LRBA: variants seen among roughly 807,000 people sequenced by gnomAD.
LRBA encodes LPS responsive beige-like anchor protein, also known as lipopolysaccharide-responsive and beige-like anchor protein.
LRBA carries 176 observed loss-of-function variants against 330.0 expected under a neutral mutation model. The ratio of observed to expected loss-of-function variants is 0.53; its 90% CI spans 0.47 to 0.60. LRBA has a LOEUF of 0.60. LRBA is among the 20% of genes least tolerant of loss of function. LRBA has a pLI of 0.00. For synonymous variants in LRBA, 1,230 were observed against 1,193.0 expected (o/e 1.03, Z -0.64); for missense variants, 3,259 against 3,444.8 (o/e 0.95, Z 1.35).
chr4:151,011,430 T>A (rs1265315187), intron 2 of LRBA, among the ~76,000 whole-genome samples: 3 of 151,748 alleles, frequency 2.0e-5, no homozygotes. Flanking sequence ...AAACCCCGCC[T>A]CTACCAAAAA....
intron 42 of LRBA, among the ~76,000 whole-genome samples, chr4:150,480,527 G>T (rs1757184088): frequency 6.6e-6 from 1 of 151,932 alleles, no homozygotes; most frequent in Admixed American, 6.6e-5. Context: ...GATTTATCAT[G>T]TGTATATTAA....
At chr4:150,286,358 T>C (rs928496156) in intron 53 of LRBA, among the ~76,000 whole-genome samples, 5 of 152,206 alleles carry the variant, frequency 3.3e-5, no homozygotes, top group Admixed American at 6.5e-5. Flanking sequence ...CAGATGATTA[T>C]AAAATTAGGA....
At chr4:150,634,781 CCAAA>C (rs1374038162) in intron 37 of LRBA, among the ~76,000 whole-genome samples, 1 of 152,110 alleles carries the variant, frequency 6.6e-6, no homozygotes, top group Non-Finnish European at 1.5e-5. Context: ...AGCTAACTGA[CCAAA>C]CAAAGAGGCT....
At chr4:150,655,766 T>G (rs1780122224) in intron 37 of LRBA, among the ~76,000 whole-genome samples, 1 of 152,204 alleles carries the variant, frequency 6.6e-6, no homozygotes, top group Non-Finnish European at 1.5e-5. Context: ...GAAAAATAAT[T>G]ATCATTTAGG....
chr4:150,531,763 C>T (rs986054523), intron 40 of LRBA, among the ~76,000 whole-genome samples: 14 of 151,930 alleles, frequency 9.2e-5, no homozygotes. Flanking sequence ...CTGAAAAGAC[C>T]CAGTTAAAGT....
At chr4:150,542,835 T>C (rs1002191430) in intron 40 of LRBA, among the ~76,000 whole-genome samples, 4 of 152,184 alleles carry the variant, frequency 2.6e-5, no homozygotes, top group African/African-American at 9.6e-5. Flanking sequence ...ATTATGAATC[T>C]GATAATGACA....
At chr4:150,580,535 G>T (rs913318935) in intron 40 of LRBA, 13 of 152,136 alleles carry the variant, frequency 8.5e-5, no homozygotes, top group Non-Finnish European at 1.9e-4. Flanking sequence ...GAACTACCAG[G>T]TTTCTAAAAC....
chr4:150,970,802 T>C (rs1739503843), intron 2 of LRBA: 2 of 151,954 alleles, frequency 1.3e-5, no homozygotes, highest in Admixed American at 6.5e-5. Context: ...GTTATCTTTA[T>C]ATGAGTCTTG....
Position 150,412,377 on chromosome 4 carries a change from A to G in LRBA, c.7194+3061T>C, listed in dbSNP as rs1048992835. On this transcript the variant is annotated intron_variant, in intron 47 of 56. Transcript: ENST00000651943. ...GGTATATAACTTTACAATCATGCCC[A>G]AGTTTAGAGCGTGGGTAGCCAAAAT... is the stretch of plus-strand genomic sequence containing the variant. 2.0e-5 allele frequency among the ~76,000 whole-genome samples: 3 copies of G among 152,216 alleles called. No individual in the cohort carries two copies. In the East Asian group the frequency reaches 5.8e-4, roughly 29 times the overall value.
intron 2 of LRBA, among the ~76,000 whole-genome samples, chr4:150,978,703 C>G (rs1249970349): frequency 2.6e-5 from 4 of 152,038 alleles, no homozygotes; most frequent in Non-Finnish European, 4.4e-5. Context: ...AAAAAAGAAT[C>G]AAGCAGAAAT....
intron 37 of LRBA, among the ~76,000 whole-genome samples, chr4:150,645,677 T>C (rs1779059213): frequency 6.6e-6 from 1 of 151,956 alleles, no homozygotes; most frequent in Non-Finnish European, 1.5e-5. Flanking sequence ...CTAACAATTA[T>C]ATAAATGCCT....
In LRBA at chr4:150,929,344, T is replaced by C. The variant is rs1734214194; in HGVS notation, c.217-279A>G. 2.0e-5 allele frequency among the ~76,000 whole-genome samples: 3 copies of C among 152,162 alleles called. No homozygotes were observed. The South Asian group carries it at 6.2e-4, about 32-fold the overall frequency. ...TCTACTAACCTGTTACCAATAAAGA[T>C]CTAAATCAACTCTACAATTGCTTCT... is the stretch of plus-strand genomic sequence containing the variant. On this transcript the variant is annotated intron_variant, in intron 2 of 56. Coordinates refer to ENST00000651943, the MANE Select transcript of LRBA (RefSeq NM_001364905.1).
At chr4:150,877,935 G>T (rs1356875740) in intron 17 of LRBA, among the ~76,000 whole-genome samples, 1 of 152,068 alleles carries the variant, frequency 6.6e-6, no homozygotes, top group East Asian at 1.9e-4. Context: ...ATGACTTTTG[G>T]GTAAACAATG....
At chr4:150,341,217 A>G (rs1188923884) in intron 48 of LRBA, among the ~76,000 whole-genome samples, 1 of 152,186 alleles carries the variant, frequency 6.6e-6, no homozygotes, top group Non-Finnish European at 1.5e-5. Flanking sequence ...GCTAGAGTGC[A>G]GTGGTGTGAT....
intron 40 of LRBA, chr4:150,582,178 A>C (rs1448801379): frequency 6.6e-6 from 1 of 152,194 alleles, no homozygotes; most frequent in Non-Finnish European, 1.5e-5. Context: ...CGACTTCGTC[A>C]CACTAAAACG....
At chr4:150,390,543 C>A (rs1278929973) in intron 47 of LRBA, among the ~76,000 whole-genome samples, 2 of 152,118 alleles carry the variant, frequency 1.3e-5, no homozygotes, top group Non-Finnish European at 2.9e-5. Flanking sequence ...CCTTTCCTTC[C>A]CTTGACACAT....
chr4:150,556,534 C>T (rs1270629638), intron 40 of LRBA, among the ~76,000 whole-genome samples: 1 of 152,162 alleles, frequency 6.6e-6, no homozygotes, highest in Non-Finnish European at 1.5e-5. Context: ...AATGTGAATA[C>T]CTTATTAGCC....
At chr4:150,847,109 C>G (rs1338028471) in intron 26 of LRBA, among the ~76,000 whole-genome samples, 2 of 152,164 alleles carry the variant, frequency 1.3e-5, no homozygotes, top group Non-Finnish European at 1.5e-5. Context: ...AGTAGGAGCA[C>G]TAGTTAGACA....
At chr4:150,999,729 T>C (rs1743116753) in intron 2 of LRBA, among the ~76,000 whole-genome samples, 1 of 152,044 alleles carries the variant, frequency 6.6e-6, no homozygotes, top group South Asian at 2.1e-4. Flanking sequence ...AAAAACAATT[T>C]CAGGTATAAT....
Sources: allele counts gnomAD v4.1 joint callset (sites outside exome capture counted in the v4.1 genomes callset), GRCh38; gene constraint gnomAD v4.1.1; transcripts MANE v1.5; gene names NCBI Gene and HGNC (gene_info 2026-07-23, HGNC 2026-07-21).